PDGFC: variants seen among roughly 807,000 people sequenced by gnomAD.
PDGFC encodes the protein platelet derived growth factor C.
A neutral mutation model predicts 35.5 loss-of-function variants in PDGFC; 12 were observed. The observed-to-expected ratio is 0.34, with a 90% confidence interval of 0.22 to 0.55. PDGFC has a LOEUF of 0.55. Ranked by LOEUF, PDGFC falls within the 20% of genes least tolerant of loss-of-function variation. The pLI, the probability that PDGFC is intolerant of heterozygous loss-of-function variation, is 0.91. For missense variants in PDGFC, 322 were observed against 412.4 expected, an observed-to-expected ratio of 0.78 and a Z score of 1.90; for synonymous variants, 159 against 148.8, an observed-to-expected ratio of 1.07 and a Z score of -0.50.
At chr4:156,842,817 CTGTT>C (rs1383628523) in intron 2 of PDGFC, among the ~76,000 whole-genome samples, 1 of 152,206 alleles carries the variant, frequency 6.6e-6, no homozygotes. Flanking sequence ...TTTTCAGTAA[CTGTT>C]CGTGAGTGTC....
intron 2 of PDGFC, among the ~76,000 whole-genome samples, chr4:156,843,313 C>T (rs1442806268): frequency 3.9e-5 from 6 of 152,180 alleles, no homozygotes; most frequent in African/African-American, 1.4e-4. Flanking sequence ...TCTTGGCCTT[C>T]CCAGCATCCA....
chr4:156,871,024 G>T (rs1489104195), intron 1 of PDGFC, among the ~76,000 whole-genome samples: 1 of 152,096 alleles, frequency 6.6e-6, no homozygotes, highest in Non-Finnish European at 1.5e-5. Flanking sequence ...CAAACAAAAT[G>T]ATTCTTCACA....
rs1730814809 is a variant in PDGFC at position 156,902,543 on chromosome 4, A to G, written c.119-52127T>C. ...TTCCATGTTTCCACATGTTACATAA[A>G]TTCTATGAAACTATAAGAATCACAT... On this transcript the variant is annotated intron_variant, in intron 1 of 5. Coordinates refer to ENST00000502773, the MANE Select transcript of PDGFC (RefSeq NM_016205.3). Among the ~76,000 whole-genome samples the G allele has an allele frequency of 5.3e-5, 8 of 152,358 alleles. No homozygotes were observed. In the South Asian group the frequency reaches 1.7e-3, roughly 32 times the overall value.
rs1490504018 is a variant in PDGFC at position 156,850,339 on chromosome 4, T to C, written c.196A>G (p.Thr66Ala). Residue 66 changes from threonine to alanine, a missense_variant, in exon 2 of 6, where the codon ACT becomes GCT. Transcript: ENST00000502773. ...GSIHSPRFPH[T>A]YPRNTVLVWR... ...ACCAAGACCGTATTTCTTGGATAAG[T>C]ATGAGGAAACCTTGGGCTGTGAATA... 1.9e-6 allele frequency: 3 copies of C among 1,609,098 alleles called. No individual in the cohort carries two copies. In the African/African-American group the frequency reaches 4.0e-5, roughly 22 times the overall value.
rs1732594506 is a variant in PDGFC, at chr4:156,971,523, C to T, written c.-620G>A. 5.4e-6 allele frequency: 1 copy of T among 186,740 alleles called. No individual in the cohort carries two copies. Among genetic ancestry groups the T allele is most frequent in the Non-Finnish European group, 1.1e-5 (1 of 92,270 alleles). The allele number at this position is 186,740 out of a possible 1,614,324, so 11.6% of individuals were successfully genotyped here. A position where few individuals can be genotyped will look rare whatever the true frequency, so the allele number is the denominator to read the frequency against. ...CGGGGGGCTCCGGGCCGACGGCGGC[C>T]CGGGCGCAGGCGGAGAGAGGCCGCG... is the stretch of plus-strand genomic sequence containing the variant. On this transcript the variant is annotated 5_prime_UTR_variant, in exon 1 of 6. Coordinates refer to ENST00000502773, the MANE Select transcript of PDGFC (RefSeq NM_016205.3).
At chr4:156,889,417 T>C (rs1429753892) in intron 1 of PDGFC, among the ~76,000 whole-genome samples, 1 of 152,206 alleles carries the variant, frequency 6.6e-6, no homozygotes, top group East Asian at 1.9e-4. Context: ...ACAGAAATTA[T>C]TGCCATGACA....
At chr4:156,827,412 A>G (rs902197757) in intron 2 of PDGFC, among the ~76,000 whole-genome samples, 4 of 143,620 alleles carry the variant, frequency 2.8e-5, no homozygotes, top group African/African-American at 5.6e-5. Flanking sequence ...GTGAGACTCC[A>G]TCTCAAAAAA....
intron 2 of PDGFC, among the ~76,000 whole-genome samples, chr4:156,830,596 AG>A (rs1328218083): frequency 2.0e-5 from 3 of 152,182 alleles, no homozygotes; most frequent in Non-Finnish European, 2.9e-5. Flanking sequence ...TTTTTGGTAC[AG>A]CAACTCCAGC....
chr4:156,871,701 A>T (rs960228674), intron 1 of PDGFC, among the ~76,000 whole-genome samples: 1 of 152,174 alleles, frequency 6.6e-6, no homozygotes, highest in Non-Finnish European at 1.5e-5. Flanking sequence ...CTATATAAGT[A>T]CTTTATTGTT....
At chr4:156,850,828 T>G (rs2111083695) in intron 1 of PDGFC, among the ~76,000 whole-genome samples, 1 of 116,218 alleles carries the variant, frequency 8.6e-6, no homozygotes, top group Non-Finnish European at 1.6e-5. Flanking sequence ...ATTCTCTAAC[T>G]TAAAGCTGCA....
intron 1 of PDGFC, among the ~76,000 whole-genome samples, chr4:156,909,937 G>A (rs1456344589): frequency 6.6e-6 from 1 of 152,096 alleles, no homozygotes; most frequent in African/African-American, 2.4e-5. Context: ...CAGAGCCACA[G>A]GGGGAAAATC....
intron 2 of PDGFC, among the ~76,000 whole-genome samples, chr4:156,811,673 A>G (rs1731935090): frequency 6.6e-6 from 1 of 152,074 alleles, no homozygotes. Context: ...ACATATTTCT[A>G]TTTTACATTT....
At position 156,844,791 on chromosome 4, in the gene PDGFC, T is replaced by C. The variant is rs574448518; in HGVS notation, c.314+5430A>G. Among the ~76,000 whole-genome samples the C allele has an allele frequency of 2.0e-5, 3 of 152,122 alleles. No individual in the cohort carries two copies. In the South Asian group the frequency reaches 6.2e-4, roughly 32 times the overall value. Reference sequence around the variant, plus strand: ...TCAACTAACATAATTTTAAATGATATAAAGCTTTCAACAGACCAACAAGGT... The same window carrying C: ...TCAACTAACATAATTTTAAATGATACAAAGCTTTCAACAGACCAACAAGGT... On this transcript the variant is annotated intron_variant, in intron 2 of 5. Coordinates refer to ENST00000502773, the MANE Select transcript of PDGFC (RefSeq NM_016205.3).
intron 1 of PDGFC, among the ~76,000 whole-genome samples, chr4:156,930,400 G>C (rs1178558037): frequency 1.3e-5 from 2 of 152,172 alleles, no homozygotes; most frequent in Non-Finnish European, 2.9e-5. Context: ...CTGTAGGCTA[G>C]CAAATCCTAA....
intron 3 of PDGFC, among the ~76,000 whole-genome samples, chr4:156,798,756 T>C (rs573427794): frequency 6.6e-6 from 1 of 152,200 alleles, no homozygotes; most frequent in African/African-American, 2.4e-5. Context: ...CTCTAACAAT[T>C]CAGTGCTTGC....
intron 3 of PDGFC, among the ~76,000 whole-genome samples, chr4:156,806,124 T>A (rs774245626): frequency 2.5e-4 from 38 of 152,212 alleles, no homozygotes; most frequent in Non-Finnish European, 4.7e-4. Context: ...CAAACAAGTA[T>A]CACTGATTAT....
chr4:156,933,056 G>A (rs901949912), intron 1 of PDGFC, among the ~76,000 whole-genome samples: 3 of 152,122 alleles, frequency 2.0e-5, no homozygotes, highest in Non-Finnish European at 4.4e-5. Flanking sequence ...GCCAGACCTT[G>A]GGCAAATCCC....
At chr4:156,857,770 C>T (rs186179914) in intron 1 of PDGFC, among the ~76,000 whole-genome samples, 13 of 152,082 alleles carry the variant, frequency 8.5e-5, no homozygotes, top group African/African-American at 2.7e-4. Context: ...TGGCTTTTTC[C>T]GAAAAGTTGG....
intron 2 of PDGFC, among the ~76,000 whole-genome samples, chr4:156,815,519 A>T (rs1345676921): frequency 6.6e-6 from 1 of 152,152 alleles, no homozygotes; most frequent in Non-Finnish European, 1.5e-5. Context: ...AGAATATGGG[A>T]TTCACAGCAA....
Sources: allele counts gnomAD v4.1 joint callset (sites outside exome capture counted in the v4.1 genomes callset), GRCh38; gene constraint gnomAD v4.1.1; transcripts MANE v1.5; gene names NCBI Gene and HGNC (gene_info 2026-07-23, HGNC 2026-07-21).